GALNT18: variants seen among roughly 807,000 people sequenced by gnomAD.
The protein encoded by GALNT18 is polypeptide N-acetylgalactosaminyltransferase 18.
A neutral mutation model predicts 69.5 loss-of-function variants in GALNT18; 44 were observed. The ratio of observed to expected loss-of-function variants is 0.63; its 90% CI spans 0.50 to 0.81. The LOEUF (loss-of-function observed/expected upper bound fraction) is 0.81, where lower values mean the gene tolerates loss of function less well. Among genes scored for constraint, GALNT18 ranks in the 40% least tolerant of loss-of-function variants. The probability of loss-of-function intolerance (pLI) is 0.00; values close to 1 mark genes in which losing one functional copy is unlikely to be tolerated. For missense variants in GALNT18, 715 were observed against 810.0 expected (o/e 0.88, Z 1.42); for synonymous variants, 364 against 318.2 (o/e 1.14, Z -1.53).
intron 1 of GALNT18, among the ~76,000 whole-genome samples, chr11:11,611,700 A>T (rs1859905602): frequency 6.6e-6 from 1 of 152,188 alleles, no homozygotes; most frequent in Non-Finnish European, 1.5e-5. Flanking sequence ...AGGGCACAGG[A>T]AAGCACTCAG....
chr11:11,300,086 C>T (rs1849468320), intron 9 of GALNT18, among the ~76,000 whole-genome samples: 1 of 152,232 alleles, frequency 6.6e-6, no homozygotes, highest in Non-Finnish European at 1.5e-5. Flanking sequence ...GGGTTAGTTA[C>T]ATTACTTAAT....
At chr11:11,441,785 TC>T (rs1554935469) in intron 2 of GALNT18, among the ~76,000 whole-genome samples, 1 of 152,150 alleles carries the variant, frequency 6.6e-6, no homozygotes, top group Non-Finnish European at 1.5e-5. Context: ...GCCATCTCCC[TC>T]CTCCTCCAGG....
intron 1 of GALNT18, among the ~76,000 whole-genome samples, chr11:11,560,088 GCGGGATGGAATGGAATAGAATAAGATACA>G (rs1565012686): frequency 3.4e-3 from 54 of 15,978 alleles, no homozygotes; most frequent in Middle Eastern, 0.067. Flanking sequence ...GATATGATGG[GCGGGATGGAATGGAATAGAATAAGATACA>G]ATGGGATGGG....
rs891619648 is a variant in GALNT18, at chr11:11,382,876, G to T, written c.596-3612C>A. Among the ~76,000 whole-genome samples, 4 of 152,158 alleles carry T rather than the reference G, an allele frequency of 2.6e-5. No homozygotes were observed. Among genetic ancestry groups the T allele is most frequent in the African/African-American group, 9.7e-5 (4 of 41,432 alleles). On this transcript the variant is annotated intron_variant, in intron 3 of 10. Coordinates refer to ENST00000227756, the MANE Select transcript of GALNT18 (RefSeq NM_198516.3). The surrounding 1 kb of genome is among the most constrained non-coding windows in gnomAD (Gnocchi z 4.3). ...GTATATTTTGTGCTTGTTTTAATGC[G>T]TTGGAGAAAGAGGAGGCAGGGAGTC...
intron 9 of GALNT18, among the ~76,000 whole-genome samples, chr11:11,303,263 C>T (rs1216320591): frequency 6.6e-6 from 1 of 152,144 alleles, no homozygotes; most frequent in Non-Finnish European, 1.5e-5. Flanking sequence ...GCTTCTTGGG[C>T]TAATTTGGAG....
intron 3 of GALNT18, among the ~76,000 whole-genome samples, chr11:11,409,581 C>T (rs557213760): frequency 3.3e-5 from 5 of 152,166 alleles, no homozygotes; most frequent in East Asian, 1.9e-4. Context: ...GATAACTCCC[C>T]GTATCCTCTC....
At chr11:11,352,048 C>T (rs138837005) in intron 6 of GALNT18, 1 of 1,613,750 alleles carries the variant, frequency 6.2e-7, no homozygotes, top group Non-Finnish European at 8.5e-7. Context: ...GGAGTTGGCA[C>T]TGAAGAAATC....
Position 11,563,232 on chromosome 11 carries a change from C to T in GALNT18, c.235+58127G>A, listed in dbSNP as rs560279596. ...CATAATGTGGCTGTTCACCTTGCAC[C>T]TCCCCGGATCAAGAGACTTGGCTCT... On this transcript the variant is annotated intron_variant, in intron 1 of 10. Transcript: ENST00000227756. This position sits in a 1 kb window ranked among gnomAD's most constrained non-coding sequence, Gnocchi z 4.6. 5.9e-5 allele frequency among the ~76,000 whole-genome samples: 9 copies of T among 152,288 alleles called. No homozygotes were observed. The highest frequency in any genetic ancestry group is 2.2e-4 in the African/African-American group (9 of 41,552).
chr11:11,596,917 G>A lies in GALNT18; in HGVS notation c.235+24442C>T, dbSNP rs150289431. On this transcript the variant is annotated intron_variant, in intron 1 of 10. Transcript: ENST00000227756. This position sits in a 1 kb window ranked among gnomAD's most constrained non-coding sequence, Gnocchi z 4.2. ...TGGTCATTCAGTCTTTGACCATTAA[G>A]TATGATGTTAGTTGTGGGATTTTTT... is the stretch of plus-strand genomic sequence containing the variant. Among the ~76,000 whole-genome samples the A allele has an allele frequency of 3.5e-3, 531 of 152,238 alleles. 6 individuals are homozygous for A. Among genetic ancestry groups the A allele is most frequent in the African/African-American group, 0.012 (501 of 41,534 alleles).
Position 11,461,157 on chromosome 11 carries a change from G to A in GALNT18, c.236-12221C>T, listed in dbSNP as rs1054215833. The stretch of plus-strand genomic sequence containing the variant: ...AGATACTACAGGATGATCTCTCTCC[G>A]TCAGAAAAATCCCACTCCACTCCTG... On this transcript the variant is annotated intron_variant, in intron 1 of 10. Transcript: ENST00000227756. This position sits in a 1 kb window ranked among gnomAD's most constrained non-coding sequence, Gnocchi z 4.1. 2.6e-5 allele frequency among the ~76,000 whole-genome samples: 4 copies of A among 152,138 alleles called. No individual in the cohort carries two copies. The highest frequency in any genetic ancestry group is 1.3e-4 in the Admixed American group (2 of 15,274).
In GALNT18 at chr11:11,454,149, G is replaced by A. The variant is rs896972350; in HGVS notation, c.236-5213C>T. Among the ~76,000 whole-genome samples the A allele has an allele frequency of 3.3e-5, 5 of 152,226 alleles. No individual in the cohort carries two copies. Among genetic ancestry groups the A allele is most frequent in the African/African-American group, 1.2e-4 (5 of 41,462 alleles). On this transcript the variant is annotated intron_variant, in intron 1 of 10. Coordinates refer to ENST00000227756, the MANE Select transcript of GALNT18 (RefSeq NM_198516.3). The surrounding 1 kb of genome is among the most constrained non-coding windows in gnomAD (Gnocchi z 4.2). ...TTTCAGAGGGAGTAGAAAGGGGGCT[G>A]CAGTCCTGTGCCAGCAGGTAGGAGC...
intron 2 of GALNT18, among the ~76,000 whole-genome samples, chr11:11,440,467 C>A (rs540361776): frequency 6.6e-6 from 1 of 152,322 alleles, no homozygotes; most frequent in East Asian, 1.9e-4. Context: ...CCGGGAAAGG[C>A]AGGTCCTGAT....
intron 1 of GALNT18, among the ~76,000 whole-genome samples, chr11:11,453,715 G>A (rs1855859266): frequency 6.6e-6 from 1 of 152,088 alleles, no homozygotes; most frequent in Non-Finnish European, 1.5e-5. Flanking sequence ...GTTTTATAAA[G>A]GGGAGCTTCC....
Position 11,505,393 on chromosome 11 carries a change from T to C in GALNT18, c.236-56457A>G, listed in dbSNP as rs890731512. On this transcript the variant is annotated intron_variant, in intron 1 of 10. Transcript: ENST00000227756. The surrounding 1 kb of genome is among the most constrained non-coding windows in gnomAD (Gnocchi z 4.6). ...ATCTCTATGAAGGATGGCAGGCAGA[T>C]GGCATGCATACCAGCACTGACTCCT... is the stretch of plus-strand genomic sequence containing the variant. 2.0e-5 allele frequency among the ~76,000 whole-genome samples: 3 copies of C among 152,188 alleles called. No individual in the cohort carries two copies. Among genetic ancestry groups the C allele is most frequent in the African/African-American group, 7.2e-5 (3 of 41,432 alleles).
In GALNT18 at chr11:11,620,623, G is replaced by A. The variant is rs1002869725; in HGVS notation, c.235+736C>T. Among the ~76,000 whole-genome samples, 6 of 152,136 alleles carry A rather than the reference G, an allele frequency of 3.9e-5. No individual in the cohort carries two copies. The highest frequency in any genetic ancestry group is 5.9e-5 in the Non-Finnish European group (4 of 68,004). On this transcript the variant is annotated intron_variant, in intron 1 of 10. Transcript: ENST00000227756. The surrounding 1 kb of genome is among the most constrained non-coding windows in gnomAD (Gnocchi z 6.9). ...GCTCCGCGGGGAAGGCGCAGCCCAG[G>A]GCGTGTTCTTCCAGTCTTGGGCGGA...
chr11:11,503,083 A>G (rs1857005443), intron 1 of GALNT18, among the ~76,000 whole-genome samples: 1 of 152,198 alleles, frequency 6.6e-6, no homozygotes, highest in African/African-American at 2.4e-5. Context: ...TACCCTTAGG[A>G]CGGAGAAAAA....
chr11:11,350,946 CT>C (rs1850389389), intron 6 of GALNT18, among the ~76,000 whole-genome samples: 1 of 152,152 alleles, frequency 6.6e-6, no homozygotes, highest in Non-Finnish European at 1.5e-5. Context: ...GTTCTGAGAG[CT>C]GCTGTTTCAG....
At chr11:11,549,403 G>C (rs1418448541) in intron 1 of GALNT18, among the ~76,000 whole-genome samples, 2 of 152,208 alleles carry the variant, frequency 1.3e-5, no homozygotes, top group African/African-American at 4.8e-5. Context: ...AAAAAGGCTT[G>C]GTCTGCACTT....
intron 3 of GALNT18, among the ~76,000 whole-genome samples, chr11:11,399,318 C>A (rs1287908212): frequency 6.6e-6 from 1 of 152,160 alleles, no homozygotes; most frequent in Non-Finnish European, 1.5e-5. Context: ...GCCACCCAGT[C>A]TATTGAAGTT....
Sources: gnomAD v4.1 joint callset for allele counts (sites outside exome capture counted in the v4.1 genomes callset) on GRCh38, gnomAD v4.1.1 for gene constraint, Gnocchi (gnomAD v3.1) non-coding constraint, MANE v1.5 for transcripts, NCBI Gene and HGNC (gene_info 2026-07-23, HGNC 2026-07-21) for gene names.